The following KLRG1 variants were observed in gnomAD, a reference collection of about 807,000 sequenced individuals.
KLRG1 encodes killer cell lectin like receptor G1.
A neutral mutation model predicts 21.8 loss-of-function variants in KLRG1; 16 were observed. That is an observed-to-expected ratio of 0.73 (90% CI 0.50 to 1.11). The LOEUF (loss-of-function observed/expected upper bound fraction) is 1.11. Among genes scored for constraint, KLRG1 ranks in the 50% most tolerant of loss-of-function variants. The pLI is 0.00. For synonymous variants in KLRG1, 69 were observed against 75.9 expected, an observed-to-expected ratio of 0.91 and a Z score of 0.47; for missense variants, 173 against 218.3, an observed-to-expected ratio of 0.79 and a Z score of 1.31.
chr12:9,036,212 A>C, the KLRG1 span: 1 of 152,282 alleles, frequency 6.6e-6, no homozygotes, highest in African/African-American at 2.4e-5. Flanking sequence ...TTAATTTATT[A>C]TTGAAGAAAG....
At chr12:8,963,792 A>C (rs1472293185) in intron 1 of KLRG1, among the ~76,000 whole-genome samples, 1 of 152,060 alleles carries the variant, frequency 6.6e-6, no homozygotes, top group Non-Finnish European at 1.5e-5. Flanking sequence ...GAATTTATCC[A>C]TTTCTTCTAG....
the KLRG1 span, chr12:9,079,765 G>C: frequency 1.2e-6 from 2 of 1,613,030 alleles, no homozygotes; most frequent in South Asian, 1.1e-5. Flanking sequence ...CAGCCATAGG[G>C]CATCTGGAGA....
chr12:8,990,317 C>A (rs1946931045), intron 1 of KLRG1: 1 of 151,856 alleles, frequency 6.6e-6, no homozygotes, highest in Non-Finnish European at 1.5e-5. Context: ...TACATAGAGC[C>A]CTGAGAGAAT....
At chr12:9,201,166 A>G in the KLRG1 span, 1 of 1,441,502 alleles carries the variant, frequency 6.9e-7, no homozygotes, top group Non-Finnish European at 9.5e-7. Flanking sequence ...TGGAAAGACA[A>G]ATACAGAAGG....
intron 1 of KLRG1, among the ~76,000 whole-genome samples, chr12:8,974,886 C>CTCT (rs200301600): frequency 2.9e-5 from 4 of 136,820 alleles, no homozygotes; most frequent in Non-Finnish European, 4.9e-5. Context: ...GAGGCATTAC[C>CTCT]TCTTCTTCTT....
At chr12:9,182,837 T>A in the KLRG1 span, among the ~76,000 whole-genome samples, 1 of 152,214 alleles carries the variant, frequency 6.6e-6, no homozygotes, top group African/African-American at 2.4e-5. Flanking sequence ...CACGAGAGAC[T>A]TAATGACTGA....
At chr12:9,100,160 G>A in the KLRG1 span, among the ~76,000 whole-genome samples, 7 of 152,170 alleles carry the variant, frequency 4.6e-5, no homozygotes, top group Non-Finnish European at 7.4e-5. Flanking sequence ...CGCTTCAGTC[G>A]GTAGAAGTAC....
intron 1 of KLRG1, chr12:8,990,116 A>G (rs1177120385): frequency 2.6e-5 from 4 of 154,182 alleles, no homozygotes; most frequent in African/African-American, 9.6e-5. Context: ...AATGAGGAGG[A>G]CACCAATAGT....
chr12:8,976,877 G>T (rs1352943298), intron 1 of KLRG1, among the ~76,000 whole-genome samples: 1 of 151,860 alleles, frequency 6.6e-6, no homozygotes, highest in African/African-American at 2.4e-5. Context: ...CTCCTAAGTA[G>T]CTGGGATTGT....
At chr12:9,191,846 T>C in the KLRG1 span, among the ~76,000 whole-genome samples, 3 of 152,198 alleles carry the variant, frequency 2.0e-5, no homozygotes, top group East Asian at 5.8e-4. Context: ...TAATTACTTT[T>C]TTCTTCTCTG....
At chr12:9,158,302 C>G in the KLRG1 span, 11 of 1,383,550 alleles carry the variant, frequency 8.0e-6, no homozygotes, top group South Asian at 1.4e-4. Flanking sequence ...TCCCTGATGC[C>G]ATCCCACATC....
chr12:9,059,520 A>T, the KLRG1 span, among the ~76,000 whole-genome samples: 1 of 152,208 alleles, frequency 6.6e-6, no homozygotes, highest in African/African-American at 2.4e-5. Context: ...CAATGGATAA[A>T]ACCAGATATC....
the KLRG1 span, among the ~76,000 whole-genome samples, chr12:9,082,682 C>T: frequency 1.3e-5 from 2 of 152,220 alleles, no homozygotes; most frequent in Non-Finnish European, 2.9e-5. Flanking sequence ...AAGAAACTGG[C>T]CAAGCTCAAA....
At chr12:8,958,285 T>A (rs138781839) in intron 1 of KLRG1, among the ~76,000 whole-genome samples, 1 of 150,952 alleles carries the variant, frequency 6.6e-6, no homozygotes, top group East Asian at 2.0e-4. Context: ...AATGACTTCC[T>A]ATAACATTGT....
At position 8,957,519 on chromosome 12, in the gene KLRG1, GTTTGT is replaced by G. The variant is rs546066001; in HGVS notation, c.-156+7297_-156+7301del. ...TACTTGTTTTGTTTTTTGTTTGTTT[GTTTGT>G]TTTGTTTTGTTTTTTTGTTTTTTGT... On this transcript the variant is annotated intron_variant, in intron 1 of 4. Transcript: ENST00000539240. Among the ~76,000 whole-genome samples, 44 of 151,468 alleles carry G rather than the reference GTTTGT, an allele frequency of 2.9e-4. No homozygotes were observed. The South Asian group carries it at 6.7e-3, about 23-fold the overall frequency.
the KLRG1 span, chr12:9,089,898 T>C: frequency 6.2e-7 from 1 of 1,606,954 alleles, no homozygotes; most frequent in Admixed American, 1.7e-5. Flanking sequence ...TTAGGTTTAC[T>C]TACTTCAACC....
At chr12:9,190,247 C>A in the KLRG1 span, among the ~76,000 whole-genome samples, 2 of 152,072 alleles carry the variant, frequency 1.3e-5, no homozygotes, top group Non-Finnish European at 2.9e-5. Flanking sequence ...TGGAATCAAC[C>A]TAAATGCCCA....
the KLRG1 span, among the ~76,000 whole-genome samples, chr12:9,160,703 A>G: frequency 6.6e-6 from 1 of 152,176 alleles, no homozygotes; most frequent in Non-Finnish European, 1.5e-5. Context: ...TCATGAGGTC[A>G]GGATATCGAG....
chr12:9,198,696 A>G, the KLRG1 span, among the ~76,000 whole-genome samples: 1 of 152,146 alleles, frequency 6.6e-6, no homozygotes, highest in South Asian at 2.1e-4. Context: ...ATACACAATA[A>G]TTTTGTTTTG....
Sources: gnomAD v4.1 joint callset for allele counts (sites outside exome capture counted in the v4.1 genomes callset) on GRCh38, gnomAD v4.1.1 for gene constraint, MANE v1.5 for transcripts, NCBI Gene and HGNC (gene_info 2026-07-23, HGNC 2026-07-21) for gene names.